The following SEC24D variants were observed in gnomAD, a reference collection of about 807,000 sequenced individuals.
The protein encoded by SEC24D is protein transport protein Sec24D.
Under a neutral mutation model 116.9 loss-of-function variants are expected in SEC24D, and 69 were observed. That is an observed-to-expected ratio of 0.59 (90% confidence interval 0.49 to 0.72). The LOEUF is 0.72. Among genes scored for constraint, SEC24D ranks in the 30% least tolerant of loss-of-function variants. The pLI, the probability that SEC24D is intolerant of heterozygous loss-of-function variation, is 0.00. For synonymous variants in SEC24D, 405 were observed against 442.8 expected, an observed-to-expected ratio of 0.91 and a Z score of 1.07; for missense variants, 1,131 against 1,264.1, an observed-to-expected ratio of 0.89 and a Z score of 1.60.
intron 6 of SEC24D, among the ~76,000 whole-genome samples, chr4:118,812,732 G>C (rs1190594797): frequency 6.6e-6 from 1 of 152,166 alleles, no homozygotes; most frequent in Non-Finnish European, 1.5e-5. Flanking sequence ...GCCCATGTGT[G>C]ATCCAATTCT....
intron 22 of SEC24D, among the ~76,000 whole-genome samples, chr4:118,727,052 C>T (rs199541243): frequency 6.6e-6 from 1 of 152,200 alleles, no homozygotes; most frequent in East Asian, 1.9e-4. Flanking sequence ...AGCCCTGTAT[C>T]TGCTATGATC....
chr4:118,829,514 T>TA (rs138418159), intron 2 of SEC24D, among the ~76,000 whole-genome samples: 6,822 of 151,684 alleles, frequency 0.045, 203 homozygotes, highest in Non-Finnish European at 0.064. Flanking sequence ...CTTGTCTCTT[T>TA]AAAAAAAAGT....
At chr4:118,777,717 A>T (rs1252944983) in intron 8 of SEC24D, among the ~76,000 whole-genome samples, 1 of 152,144 alleles carries the variant, frequency 6.6e-6, no homozygotes. Context: ...ACTAGTTTAC[A>T]CTCCCACCAA....
At chr4:118,783,945 G>A (rs984334052) in intron 8 of SEC24D, among the ~76,000 whole-genome samples, 1 of 152,238 alleles carries the variant, frequency 6.6e-6, no homozygotes, top group African/African-American at 2.4e-5. Context: ...GTTCATGCCT[G>A]TAATACGAGC....
intron 13 of SEC24D, among the ~76,000 whole-genome samples, chr4:118,751,463 A>T (rs2110455688): frequency 6.6e-6 from 1 of 152,088 alleles, no homozygotes; most frequent in South Asian, 2.1e-4. Context: ...CAGGCGTGAG[A>T]GTGAGTGCTT....
chr4:118,780,993 T>C (rs1728381778), intron 8 of SEC24D, among the ~76,000 whole-genome samples: 1 of 148,994 alleles, frequency 6.7e-6, no homozygotes, highest in African/African-American at 2.5e-5. Flanking sequence ...TGTGTGTCTC[T>C]GCATGTGAAA....
intron 7 of SEC24D, among the ~76,000 whole-genome samples, chr4:118,802,536 G>A (rs1729488837): frequency 6.6e-6 from 1 of 152,176 alleles, no homozygotes; most frequent in Non-Finnish European, 1.5e-5. Flanking sequence ...AGACAAAGGG[G>A]CTTCATAGCA....
rs190928252 is a variant in SEC24D at position 118,780,657 on chromosome 4, G to A, written c.1042-12346C>T. Among the ~76,000 whole-genome samples, 500 of 152,212 alleles carry A rather than the reference G, an allele frequency of 3.3e-3. 3 individuals are homozygous for A. Among genetic ancestry groups the A allele is most frequent in the African/African-American group, 0.011 (471 of 41,528 alleles). ...CTGAGTTCAAGTCCTGGATATCCTT[G>A]TTAACCTTCTGTCTCATTGATCTGT... On this transcript the variant is annotated intron_variant, in intron 8 of 22. Transcript: ENST00000280551.
intron 8 of SEC24D, among the ~76,000 whole-genome samples, chr4:118,771,620 C>T (rs1727909595): frequency 6.6e-6 from 1 of 151,494 alleles, no homozygotes; most frequent in Admixed American, 6.6e-5. Flanking sequence ...GAATATCATT[C>T]TACGAAATGA....
chr4:118,731,375 G>C lies in SEC24D; in HGVS notation c.2809C>G (p.Pro937Ala). The C allele has an allele frequency of 6.2e-7, 1 of 1,614,032 alleles. No individual in the cohort carries two copies. The change falls in exon 21 of 23, where the codon CCA (proline) becomes GCA (alanine). Residue 937 changes from proline to alanine, a missense_variant. Transcript: ENST00000280551. ...TTAAATATTCCTTGGATCAGTTCTG[G>C]TGGGCTGCTTACTCCCAACCACAGG... ...MFLWLGVSSP[P>A]ELIQGIFNVP...
intron 13 of SEC24D, among the ~76,000 whole-genome samples, chr4:118,747,701 T>C (rs1726611289): frequency 6.6e-6 from 1 of 152,212 alleles, no homozygotes; most frequent in Admixed American, 6.5e-5. Flanking sequence ...GCATTCACTG[T>C]CAAAAATTCT....
chr4:118,750,923 C>A (rs1304216834), intron 13 of SEC24D, among the ~76,000 whole-genome samples: 1 of 151,826 alleles, frequency 6.6e-6, no homozygotes, highest in Non-Finnish European at 1.5e-5. Context: ...ATTAAAAAAA[C>A]CCAAGCAAGA....
In SEC24D at chr4:118,833,505, C is replaced by T. The variant is rs1730962669; in HGVS notation, c.118+74G>A. The T allele has an allele frequency of 1.1e-5, 11 of 999,420 alleles. No homozygotes were observed. In the South Asian group the frequency reaches 1.7e-4, roughly 15 times the overall value. 61.9% of individuals were successfully genotyped at this position (999,420 alleles called of 1,614,324 possible). A position where few individuals can be genotyped will look rare whatever the true frequency, so the allele number is the denominator to read the frequency against. ...TGATCATTCAATGCTTTCAAATCTC[C>T]TCTTTCAGAACATCTTATGTCTCTG... On this transcript the variant is annotated intron_variant, in intron 2 of 22. Transcript: ENST00000280551.
intron 3 of SEC24D, among the ~76,000 whole-genome samples, chr4:118,821,326 A>G (rs1216634695): frequency 6.6e-6 from 1 of 152,202 alleles, no homozygotes; most frequent in African/African-American, 2.4e-5. Flanking sequence ...CTTCATCAGA[A>G]TACATCACTT....
chr4:118,814,883 A>G (rs1730070867), intron 6 of SEC24D, 145 bp downstream of exon 6: 3 of 857,678 alleles, frequency 3.5e-6, no homozygotes, highest in Non-Finnish European at 5.4e-6. Context: ...ACATGCATAT[A>G]AGGAAGGAAG....
intron 17 of SEC24D, among the ~76,000 whole-genome samples, chr4:118,740,338 C>T (rs1031453808): frequency 6.6e-5 from 10 of 152,124 alleles, no homozygotes; most frequent in African/African-American, 2.4e-4. Context: ...AATTAATATT[C>T]ATATGGTAGA....
chr4:118,835,095 C>T (rs1731034497), intron 1 of SEC24D, among the ~76,000 whole-genome samples: 1 of 152,226 alleles, frequency 6.6e-6, no homozygotes, highest in South Asian at 2.1e-4. Context: ...CCTCCTCCCA[C>T]TTAGCAGAGA....
At chr4:118,779,272 G>A (rs569784247) in intron 8 of SEC24D, among the ~76,000 whole-genome samples, 21 of 152,234 alleles carry the variant, frequency 1.4e-4, no homozygotes, top group African/African-American at 4.6e-4. Flanking sequence ...TTTGAGATAT[G>A]TTCCATCAAT....
At chr4:118,742,282 C>G (rs1369320840) in intron 15 of SEC24D, among the ~76,000 whole-genome samples, 1 of 152,014 alleles carries the variant, frequency 6.6e-6, no homozygotes, top group Non-Finnish European at 1.5e-5. Context: ...TGTAGATGAT[C>G]ACACCAGTAC....
Sources: gnomAD v4.1 joint callset for allele counts (sites outside exome capture counted in the v4.1 genomes callset) on GRCh38, gnomAD v4.1.1 for gene constraint, MANE v1.5 for transcripts, NCBI Gene and HGNC (gene_info 2026-07-23, HGNC 2026-07-21) for gene names.